Variants in TEKT3 observed in about 807,000 individuals in gnomAD.
TEKT3 encodes tektin 3, also known as tektin-3.
Under a neutral mutation model 49.8 loss-of-function variants are expected in TEKT3, and 49 were observed. The observed-to-expected ratio is 0.98, with a 90% CI of 0.78 to 1.25. TEKT3 has a LOEUF of 1.25. TEKT3 is among the 50% of genes most tolerant of loss of function. The probability of loss-of-function intolerance (pLI) is 0.00; values close to 1 mark genes in which losing one functional copy is unlikely to be tolerated. For missense variants in TEKT3, 595 were observed against 629.5 expected, an observed-to-expected ratio of 0.95 and a Z score of 0.59; for synonymous variants, 225 against 237.2, an observed-to-expected ratio of 0.95 and a Z score of 0.47.
intron 4 of TEKT3, among the ~76,000 whole-genome samples, chr17:15,321,439 T>A (rs976703614): frequency 1.4e-5 from 2 of 142,626 alleles, no homozygotes; most frequent in Admixed American, 7.2e-5. Context: ...AGTGCTAACT[T>A]ATCCTTCCAT....
At position 15,314,175 on chromosome 17, in the gene TEKT3, C is replaced by A. The variant is rs372414268; in HGVS notation, c.790G>T (p.Ala264Ser). 34 of 1,614,102 alleles carry A rather than the reference C, an allele frequency of 2.1e-5. No homozygotes were observed. In the African/African-American group the frequency reaches 4.4e-4, roughly 21 times the overall value. ...LEKDLSDKQT[A>S]YRIDDKCHHL... Reference sequence around the variant, plus strand: ...TGGCATTTGTCGTCGATCCGGTAAGCCGTCTGTTTGTCACTCAGGTCCTTT... The same window carrying A: ...TGGCATTTGTCGTCGATCCGGTAAGACGTCTGTTTGTCACTCAGGTCCTTT... The change falls in exon 6 of 9, where the codon GCT becomes TCT. Residue 264 changes from alanine (A) to serine (S), a missense_variant. By Grantham distance (99) the Ala-to-Ser change is moderately conservative. Transcript: ENST00000395930.
intron 5 of TEKT3, among the ~76,000 whole-genome samples, chr17:15,318,440 T>A (rs1911113400): frequency 6.6e-6 from 1 of 152,194 alleles, no homozygotes; most frequent in Admixed American, 6.5e-5. Flanking sequence ...GAAATCTTAG[T>A]TACACTCAAG....
intron 7 of TEKT3, 55 bp from the exon 8 acceptor site, chr17:15,308,873 C>T (rs945881791): frequency 1.0e-5 from 16 of 1,587,702 alleles, no homozygotes; most frequent in Admixed American, 8.4e-5. Context: ...TTCAACAACC[C>T]GCCTCCCACC....
At chr17:15,333,040 T>C (rs1911833710) in intron 2 of TEKT3, among the ~76,000 whole-genome samples, 1 of 151,738 alleles carries the variant, frequency 6.6e-6, no homozygotes, top group East Asian at 1.9e-4. Context: ...TTTTTTAACT[T>C]AAGTATATTT....
chr17:15,304,183 TC>T lies in TEKT3; in HGVS notation c.1257-32del. The T allele has an allele frequency of 1.2e-6, 2 of 1,610,882 alleles. No individual in the cohort carries two copies. On this transcript the variant is annotated intron_variant, in intron 8 of 8. Transcript: ENST00000395930. This position sits in a 1 kb window ranked among gnomAD's most constrained non-coding sequence, Gnocchi z 4.7. ...GCATAAAGGAATCAGCATGGTTAGG[TC>T]AGCATGTAGCTTACGCAACTCCAAG...
In TEKT3 at chr17:15,332,773, T is replaced by C. The variant is rs138094213; in HGVS notation, c.-29-1159A>G. On this transcript the variant is annotated intron_variant, in intron 2 of 8. Transcript: ENST00000395930. ...TGCAATAGATCTTAACTTTTTAAAT[T>C]GCTACCTCAGAGAAGTAGATAAAGT... is the stretch of plus-strand genomic sequence containing the variant. 3.1e-4 allele frequency among the ~76,000 whole-genome samples: 47 copies of C among 152,318 alleles called. No individual in the cohort carries two copies. The East Asian group carries it at 8.7e-3, about 28-fold the overall frequency.
At chr17:15,310,287 T>C (rs1377638137) in intron 7 of TEKT3, among the ~76,000 whole-genome samples, 3 of 152,182 alleles carry the variant, frequency 2.0e-5, no homozygotes, top group African/African-American at 4.8e-5. Flanking sequence ...CATCCCCGAG[T>C]GCCTAGCACA....
chr17:15,328,106 A>AT, intron 3 of TEKT3, 31 bp from the exon 4 acceptor site: 1 of 1,585,168 alleles, frequency 6.3e-7, no homozygotes, highest in Non-Finnish European at 8.7e-7. Flanking sequence ...GAAAGCACTA[A>AT]TAAAAACTGA....
At chr17:15,342,274 A>G (rs186803967), upstream of TEKT3, among the ~76,000 whole-genome samples, 116 of 152,340 alleles carry the variant, frequency 7.6e-4, no homozygotes, top group Middle Eastern at 3.4e-3. Context: ...CGAGAAGTTA[A>G]TTGACTTAGA....
intron 4 of TEKT3, among the ~76,000 whole-genome samples, chr17:15,322,766 G>C (rs1017101592): frequency 4.7e-4 from 72 of 152,184 alleles, no homozygotes; most frequent in African/African-American, 1.6e-3. Flanking sequence ...TCAAAGTCAA[G>C]CTGCAAGCCT....
In TEKT3 at chr17:15,331,458, G is replaced by T; in HGVS notation, c.128C>A (p.Thr43Asn). Reference sequence around the variant, plus strand: ...TCTCCAAGGAAGGCTCAGGCTATGGGTCAAATTGGAGTGGGGAAAGCGGTC... The same window carrying T: ...TCTCCAAGGAAGGCTCAGGCTATGGTTCAAATTGGAGTGGGGAAAGCGGTC... ...YRDRFPHSNL[T>N]HSLSLPWRPS... is the part of the protein sequence containing the mutation. The change falls in exon 3 of 9, where the codon ACC (threonine) becomes AAC (asparagine). Residue 43 changes from threonine (T) to asparagine (N), a missense_variant. Thr to Asn is a moderately conservative substitution (Grantham distance 65). Transcript: ENST00000395930. 2 of 1,614,118 alleles carry T rather than the reference G, an allele frequency of 1.2e-6. No homozygotes were observed. Among genetic ancestry groups the T allele is most frequent in the Non-Finnish European group, 1.7e-6 (2 of 1,180,024 alleles).
intron 4 of TEKT3, among the ~76,000 whole-genome samples, chr17:15,327,151 T>A (rs1176865696): frequency 6.9e-6 from 1 of 145,272 alleles, no homozygotes; most frequent in Admixed American, 6.9e-5. Context: ...AAGAGATGAT[T>A]GATTGAAAAA....
rs1486384835 is a variant in TEKT3 at position 15,313,195 on chromosome 17, A to G, written c.879-714T>C. Among the ~76,000 whole-genome samples, 19 of 152,266 alleles carry G rather than the reference A, an allele frequency of 1.2e-4. 1 individual carries two copies. ...TATGGTACATTCAAAAAAGTAATCC[A>G]TATACCAGGCAAATTCATGTTAAAG... On this transcript the variant is annotated intron_variant, in intron 6 of 8. Transcript: ENST00000395930.
chr17:15,330,874 G>A, intron 3 of TEKT3, 133 bp downstream of exon 3: 1 of 943,354 alleles, frequency 1.1e-6, no homozygotes, highest in Non-Finnish European at 1.5e-6. Context: ...GCTGAAAACA[G>A]TCACAGATTT....
rs1910805106 is a variant in TEKT3, at chr17:15,312,311, C to T, written c.1049G>A (p.Arg350His). The T allele has an allele frequency of 4.3e-6, 7 of 1,614,102 alleles. No individual in the cohort carries two copies. The East Asian group carries it at 6.7e-5, about 15-fold the overall frequency. ...CTTAGCATCTGCAGTCTCAGCAATG[C>T]GATTGGTGAAAGACAAGTTCACTTT... is the stretch of plus-strand genomic sequence containing the variant. ...FNKVNLSFTN[R>H]IAETADAKNK... is the part of the protein sequence containing the mutation. Residue 350 changes from arginine (R) to histidine (H), a missense_variant, in exon 7 of 9, where the codon CGC (arginine) becomes CAC (histidine). By Grantham distance (29) the Arg-to-His change is conservative (BLOSUM62 0). Coordinates refer to ENST00000395930, the MANE Select transcript of TEKT3 (RefSeq NM_031898.3).
chr17:15,339,413 C>A (rs1912134403), intron 2 of TEKT3, among the ~76,000 whole-genome samples: 1 of 152,102 alleles, frequency 6.6e-6, no homozygotes. Flanking sequence ...AAGTCAAATA[C>A]AATGTTTGAC....
chr17:15,304,184 C>T lies in TEKT3; in HGVS notation c.1257-32G>A, dbSNP rs1910441086. On this transcript the variant is annotated intron_variant, in intron 8 of 8. Coordinates refer to ENST00000395930, the MANE Select transcript of TEKT3 (RefSeq NM_031898.3). The surrounding 1 kb of genome is among the most constrained non-coding windows in gnomAD (Gnocchi z 4.7). ...CATAAAGGAATCAGCATGGTTAGGTCAGCATGTAGCTTACGCAACTCCAAG... is the reference window on the plus strand; with the variant it reads ...CATAAAGGAATCAGCATGGTTAGGTTAGCATGTAGCTTACGCAACTCCAAG... The T allele has an allele frequency of 6.2e-7, 1 of 1,608,656 alleles. No homozygotes were observed.
In TEKT3 at chr17:15,341,584, T is replaced by A. The variant is rs1274024969; in HGVS notation, c.-130A>T. The A allele has an allele frequency of 1.3e-5, 2 of 152,280 alleles. No individual in the cohort carries two copies. The highest frequency in any genetic ancestry group is 2.9e-5 in the Non-Finnish European group (2 of 68,106). 9.4% of individuals were successfully genotyped at this position (152,280 alleles called of 1,614,324 possible). Reference sequence around the variant, plus strand: ...GAGGAAGGGGTCGCAGCCTACCACCTGCAGCCCTCGACTGGGGCCCAGACC... The same window carrying A: ...GAGGAAGGGGTCGCAGCCTACCACCAGCAGCCCTCGACTGGGGCCCAGACC... On this transcript the variant is annotated 5_prime_UTR_variant, in exon 1 of 9. Coordinates refer to ENST00000395930, the MANE Select transcript of TEKT3 (RefSeq NM_031898.3).
At chr17:15,317,978 T>C (rs79886349) in intron 5 of TEKT3, among the ~76,000 whole-genome samples, 2 of 17,488 alleles carry the variant, frequency 1.1e-4, no homozygotes, top group Admixed American at 7.1e-4. Context: ...GTCGGATCTC[T>C]TTTTTTTTTT....
Sources: allele counts gnomAD v4.1 joint callset (sites outside exome capture counted in the v4.1 genomes callset), GRCh38; gene constraint gnomAD v4.1.1; non-coding constraint Gnocchi (gnomAD v3.1); transcripts MANE v1.5; gene names NCBI Gene and HGNC (gene_info 2026-07-23, HGNC 2026-07-21).